The following FAAH2 variants were observed in gnomAD, a reference collection of about 807,000 sequenced individuals.
FAAH2 encodes the protein fatty acid amide hydrolase 2, also known as fatty-acid amide hydrolase 2.
FAAH2 carries 60 observed loss-of-function variants against 36.9 expected under a neutral mutation model. That is an observed-to-expected ratio of 1.63 (90% CI 1.32 to 2.02). The LOEUF is 2.02. Ranked by LOEUF, FAAH2 falls within the 30% of genes most tolerant of loss-of-function variation. The probability of loss-of-function intolerance (pLI) is 0.00; values close to 1 mark genes in which losing one functional copy is unlikely to be tolerated. For synonymous variants in FAAH2, 214 were observed against 143.8 expected (o/e 1.49, Z -3.49); for missense variants, 689 against 397.5 (o/e 1.73, Z -6.23).
intron 5 of FAAH2, among the ~76,000 whole-genome samples, chrX:57,374,621 G>A (rs753215837): frequency 9.0e-6 from 1 of 111,068 alleles, no homozygotes; most frequent in Non-Finnish European, 1.9e-5. Flanking sequence ...GAGTTTTTAG[G>A]GTTTTCTAGG....
intron 4 of FAAH2, among the ~76,000 whole-genome samples, chrX:57,334,331 G>T (rs969978281): frequency 1.1e-5 from 1 of 93,072 alleles, no homozygotes; most frequent in Non-Finnish European, 2.3e-5. Flanking sequence ...ACCACTGAAA[G>T]AACCATCAAC....
rs2053413970 is a variant in FAAH2 at position 57,331,748 on chromosome X, AG to A, written c.564del (p.Ile189SerfsTer15). The A allele has an allele frequency of 8.3e-7, 1 of 1,211,704 alleles. No individual in the cohort carries two copies. The highest frequency in any genetic ancestry group is 1.7e-5 in the African/African-American group (1 of 57,798). On this transcript the variant is annotated frameshift_variant, in exon 4 of 11. Transcript: ENST00000374900. LOFTEE classifies it high-confidence loss of function. ...ELCMWYESSNKIYGRSNNPYD... is the reference protein window; with the variant it reads ...ELCMWYESSNXIYGRSNNPYD... ...TGTATGTGGTATGAATCCAGTAACA[AG>A]ATCTATGGCCGATCAAACAACCCAT...
At chrX:57,172,563 G>A in the FAAH2 span, among the ~76,000 whole-genome samples, 13 of 112,533 alleles carry the variant, frequency 1.2e-4, no homozygotes, top group East Asian at 3.6e-3. Context: ...CAAGGGCAAA[G>A]GACTTTCTGT....
intron 10 of FAAH2, among the ~76,000 whole-genome samples, chrX:57,472,489 T>C (rs1327543350): frequency 1.8e-5 from 2 of 111,804 alleles, no homozygotes; most frequent in Non-Finnish European, 3.8e-5. Context: ...ACTGGATTTG[T>C]ACAATGATTT....
chrX:57,475,536 T>G (rs2057250319), intron 10 of FAAH2, among the ~76,000 whole-genome samples: 1 of 111,725 alleles, frequency 9.0e-6, no homozygotes, highest in Non-Finnish European at 1.9e-5. Context: ...GTCTCTGTTC[T>G]GTTCCATTGA....
chrX:57,426,670 G>A (rs2056170510), intron 7 of FAAH2, among the ~76,000 whole-genome samples: 1 of 111,787 alleles, frequency 8.9e-6, no homozygotes, highest in Non-Finnish European at 1.9e-5. Context: ...ATGAAAAAAT[G>A]TAGACATAAA....
At chrX:57,333,357 G>A (rs1274740150) in intron 4 of FAAH2, among the ~76,000 whole-genome samples, 1 of 111,539 alleles carries the variant, frequency 9.0e-6, no homozygotes, top group Admixed American at 9.6e-5. Context: ...ATCATGTTTG[G>A]CTTTCAACAA....
intron 5 of FAAH2, among the ~76,000 whole-genome samples, chrX:57,376,399 T>C (rs1433335405): frequency 1.8e-5 from 2 of 111,089 alleles, no homozygotes; most frequent in Non-Finnish European, 3.8e-5. Flanking sequence ...CTTCACCCTC[T>C]GACAGGCCCC....
intron 5 of FAAH2, among the ~76,000 whole-genome samples, chrX:57,362,933 A>C (rs1262806982): frequency 8.9e-6 from 1 of 111,787 alleles, no homozygotes; most frequent in African/African-American, 3.3e-5. Flanking sequence ...CCATTGGTCT[A>C]GGTGTCTGGT....
At chrX:57,405,349 T>C (rs1247524741) in intron 7 of FAAH2, among the ~76,000 whole-genome samples, 2 of 110,851 alleles carry the variant, frequency 1.8e-5, no homozygotes, top group African/African-American at 3.3e-5. Flanking sequence ...GTGTTATAGC[T>C]CTAATAGAAG....
chrX:57,394,684 T>G, intron 7 of FAAH2: 1 of 920,867 alleles, frequency 1.1e-6, no homozygotes, highest in Non-Finnish European at 1.6e-6. Flanking sequence ...CCATTTGTTT[T>G]TTTTATCATC....
chrX:57,241,785 C>T, the FAAH2 span, among the ~76,000 whole-genome samples: 1 of 111,534 alleles, frequency 9.0e-6, no homozygotes. Context: ...TAAGTAAGAA[C>T]ATACATCATT....
chrX:57,382,607 C>T (rs1286073819), intron 7 of FAAH2, among the ~76,000 whole-genome samples: 21 of 111,196 alleles, frequency 1.9e-4, no homozygotes, highest in Non-Finnish European at 1.9e-4. Flanking sequence ...ACACATACAC[C>T]CTCCCAAGAC....
At chrX:57,446,018 C>T (rs1261082235) in intron 8 of FAAH2, among the ~76,000 whole-genome samples, 1 of 112,584 alleles carries the variant, frequency 8.9e-6, no homozygotes, top group Non-Finnish European at 1.9e-5. Context: ...GAGAATTTCC[C>T]TCATTCAGAA....
chrX:57,474,963 T>A (rs2057238237), intron 10 of FAAH2, among the ~76,000 whole-genome samples: 1 of 112,063 alleles, frequency 8.9e-6, no homozygotes, highest in African/African-American at 3.2e-5. Flanking sequence ...AAGGAGCATT[T>A]TTTCATATAT....
chrX:57,150,904 G>A, the FAAH2 span, among the ~76,000 whole-genome samples: 8 of 112,317 alleles, frequency 7.1e-5, no homozygotes, highest in Admixed American at 6.6e-4. Context: ...GGTACCGGAT[G>A]TTCCTTTCCA....
In FAAH2 at chrX:57,396,305, T is replaced by A. The variant is rs189019127; in HGVS notation, c.996+15276T>A. On this transcript the variant is annotated intron_variant, in intron 7 of 10. Transcript: ENST00000374900. Reference sequence around the variant, plus strand: ...CATTTTAATGATTGTATAATTATTTTAATCTTAATTTCATTTAGTGCTGCT... The same window carrying A: ...CATTTTAATGATTGTATAATTATTTAAATCTTAATTTCATTTAGTGCTGCT... Among the ~76,000 whole-genome samples the A allele has an allele frequency of 4.4e-4, 49 of 111,280 alleles. 1 individual carries two copies. In the East Asian group the frequency reaches 0.011, roughly 25 times the overall value.
chrX:57,157,493 G>GTGACAAGGTGGCACTGGGTTCCCATGC, the FAAH2 span, among the ~76,000 whole-genome samples: 1 of 111,480 alleles, frequency 9.0e-6, no homozygotes, highest in East Asian at 2.8e-4. Context: ...GCATTCCACT[G>GTGACAAGGTGGCACTGGGTTCCCATGC]TGACAAGGTG....
intron 7 of FAAH2, among the ~76,000 whole-genome samples, chrX:57,425,836 G>C (rs1287130513): frequency 1.4e-5 from 1 of 72,108 alleles, no homozygotes; most frequent in African/African-American, 4.5e-5. Flanking sequence ...GGAACAAAAC[G>C]TGACACATCA....
Sources: allele counts gnomAD v4.1 joint callset (sites outside exome capture counted in the v4.1 genomes callset), GRCh38; gene constraint gnomAD v4.1.1; transcripts MANE v1.5; gene names NCBI Gene and HGNC (gene_info 2026-07-23, HGNC 2026-07-21).